DENND3: variants seen among roughly 807,000 people sequenced by gnomAD.
DENND3 encodes DENN domain-containing protein 3.
A neutral mutation model predicts 135.1 loss-of-function variants in DENND3; 88 were observed. The observed-to-expected ratio is 0.65, with a 90% confidence interval of 0.55 to 0.78. The LOEUF (loss-of-function observed/expected upper bound fraction) is 0.78, where lower values mean the gene tolerates loss of function less well. Among genes scored for constraint, DENND3 ranks in the 30% least tolerant of loss-of-function variants. The pLI, the probability that DENND3 is intolerant of heterozygous loss-of-function variation, is 0.00. For synonymous variants in DENND3, 693 were observed against 712.3 expected, an observed-to-expected ratio of 0.97 and a Z score of 0.43; for missense variants, 1,392 against 1,688.4, an observed-to-expected ratio of 0.82 and a Z score of 3.08.
chr8:141,192,319 T>C lies in DENND3; in HGVS notation c.3380-12T>C. On this transcript the variant is annotated splice_polypyrimidine_tract_variant and intron_variant, in intron 20 of 22. Coordinates refer to ENST00000519811, the MANE Select transcript of DENND3 (RefSeq NM_001352890.3). ...CACTGCCTGGCCCCATCCTAGCTCC[T>C]TCCTTCCACAGGCACAGGTAACAGC... The C allele has an allele frequency of 6.2e-7, 1 of 1,613,876 alleles. No individual in the cohort carries two copies. Among genetic ancestry groups the C allele is most frequent in the South Asian group, 1.1e-5 (1 of 91,084 alleles).
rs889477185 is a variant in DENND3 at position 141,168,003 on chromosome 8, G to T, written c.1754-1G>T. The T allele has an allele frequency of 2.9e-5, 46 of 1,605,966 alleles. 1 individual carries two copies. The highest frequency in any genetic ancestry group is 3.8e-5 in the Non-Finnish European group (45 of 1,174,672). ...TCTCCTTTTCCCCCTGAATGTTTTA[G>T]TTCTGAATGTCACGCCGAAGTCCCC... On this transcript the variant is annotated splice_acceptor_variant, in intron 12 of 22. Transcript: ENST00000519811. LOFTEE classifies it high-confidence loss of function. This position sits in a 1 kb window ranked among gnomAD's most constrained non-coding sequence, Gnocchi z 6.2.
At chr8:141,191,157 C>T (rs1478539055) in intron 20 of DENND3, 4 of 152,372 alleles carry the variant, frequency 2.6e-5, no homozygotes, top group Non-Finnish European at 5.9e-5. Flanking sequence ...GCAGCGTTTC[C>T]GTCACAGCTG....
Position 141,168,066 on chromosome 8 carries a change from G to A in DENND3, c.1816G>A (p.Glu606Lys). 1 of 1,614,084 alleles carries A rather than the reference G, an allele frequency of 6.2e-7. No homozygotes were observed. The highest frequency in any genetic ancestry group is 8.5e-7 in the Non-Finnish European group (1 of 1,180,000). The change falls in exon 13 of 23, where the codon GAG (glutamate) becomes AAG (lysine). Residue 606 changes from glutamate (E) to lysine (K), a missense_variant. Physicochemically the swap from Glu to Lys is moderately conservative, Grantham distance 56. Coordinates refer to ENST00000519811, the MANE Select transcript of DENND3 (RefSeq NM_001352890.3). The surrounding 1 kb of genome is among the most constrained non-coding windows in gnomAD (Gnocchi z 6.2). ...FKIPEIHFPL[E>K]SKCVQAYHAH... ...GATTCCCGAAATCCACTTTCCGCTG[G>A]AGAGCAAGTGCGTGCAGGCATACCA...
At chr8:141,158,502 G>A (rs755618574) in intron 8 of DENND3, among the ~76,000 whole-genome samples, 18 of 152,186 alleles carry the variant, frequency 1.2e-4, no homozygotes, top group African/African-American at 4.1e-4. Context: ...GCAGGATGTC[G>A]TGTCTCCCAC....
intron 10 of DENND3, among the ~76,000 whole-genome samples, chr8:141,163,706 G>A (rs1820419661): frequency 2.0e-5 from 3 of 151,742 alleles, no homozygotes; most frequent in South Asian, 2.1e-4. Context: ...TCAGGAGTTC[G>A]AGACCAGCCT....
intron 8 of DENND3, among the ~76,000 whole-genome samples, chr8:141,159,359 T>C (rs1819845085): frequency 6.6e-6 from 1 of 152,044 alleles, no homozygotes; most frequent in Non-Finnish European, 1.5e-5. Context: ...TGGCCCACAC[T>C]CCCACTCCCC....
At chr8:141,164,248 T>G (rs1195167750) in intron 10 of DENND3, among the ~76,000 whole-genome samples, 2 of 152,252 alleles carry the variant, frequency 1.3e-5, no homozygotes, top group African/African-American at 4.8e-5. Flanking sequence ...GTCCCGTGGT[T>G]GGGACAGAGT....
At chr8:141,186,911 C>T (rs1823963750) in intron 18 of DENND3, among the ~76,000 whole-genome samples, 1 of 152,208 alleles carries the variant, frequency 6.6e-6, no homozygotes, top group Non-Finnish European at 1.5e-5. Flanking sequence ...GTGCGCTTCC[C>T]TGTCGCCCGA....
rs2154612739 is a variant in DENND3 at position 141,139,064 on chromosome 8, A to C, written c.501+927A>C. On this transcript the variant is annotated intron_variant, in intron 3 of 22. Transcript: ENST00000519811. The surrounding 1 kb of genome is among the most constrained non-coding windows in gnomAD (Gnocchi z 4.2). Reference sequence around the variant, plus strand: ...AACTCGTAGGGGAAACGATGTATCCAAAGGTGCAGGGTGACCTGCTGCACA... The same window carrying C: ...AACTCGTAGGGGAAACGATGTATCCCAAGGTGCAGGGTGACCTGCTGCACA... 6.6e-6 allele frequency among the ~76,000 whole-genome samples: 1 copy of C among 152,288 alleles called. No homozygotes were observed. The highest frequency in any genetic ancestry group is 1.9e-4 in the East Asian group (1 of 5,172).
In DENND3 at chr8:141,189,030, G is replaced by A. The variant is rs557795249; in HGVS notation, c.3129G>A (p.Ser1043=). ...ACCAGAACCAGGTGTGGGTTGGCTCGGAAGACTCCGTCATCTACATCATCA... is the reference window on the plus strand; with the variant it reads ...ACCAGAACCAGGTGTGGGTTGGCTCAGAAGACTCCGTCATCTACATCATCA... ...MADQNQVWVG[S]EDSVIYIINV... is the part of the protein sequence containing the mutation. The change falls in exon 19 of 23, where the codon TCG becomes TCA. Residue 1043 remains serine, a synonymous_variant. Transcript: ENST00000519811. 2.1e-5 allele frequency: 34 copies of A among 1,614,158 alleles called. No individual in the cohort carries two copies. The highest frequency in any genetic ancestry group is 4.5e-5 in the East Asian group (2 of 44,888).
chr8:141,157,040 C>A (rs531601192), intron 8 of DENND3, among the ~76,000 whole-genome samples: 1 of 152,216 alleles, frequency 6.6e-6, no homozygotes, highest in Non-Finnish European at 1.5e-5. Flanking sequence ...CCTCAGCCTC[C>A]CAAAGTGCTA....
chr8:141,189,717 C>T (rs549854725), intron 19 of DENND3, among the ~76,000 whole-genome samples: 22 of 152,272 alleles, frequency 1.4e-4, no homozygotes, highest in African/African-American at 4.6e-4. Flanking sequence ...GACTTAGTGT[C>T]GGGGGCGCCT....
chr8:141,164,131 G>A (rs1269432120), intron 10 of DENND3, among the ~76,000 whole-genome samples: 2 of 152,048 alleles, frequency 1.3e-5, no homozygotes, highest in Non-Finnish European at 2.9e-5. Context: ...CTTGCGCTGT[G>A]CAGTCCTGCG....
Position 141,160,737 on chromosome 8 carries a change from C to G in DENND3, c.1302C>G (p.Leu434=), listed in dbSNP as rs370867922. 111 of 1,613,118 alleles carry G rather than the reference C, an allele frequency of 6.9e-5. No homozygotes were observed. Among genetic ancestry groups the G allele is most frequent in the Non-Finnish European group, 9.2e-5 (109 of 1,179,882 alleles). The change falls in exon 9 of 23, where the codon CTC becomes CTG. Residue 434 remains leucine (L), a synonymous_variant. Coordinates refer to ENST00000519811, the MANE Select transcript of DENND3 (RefSeq NM_001352890.3). ...ACCGGCGGTCCTGGCAGCAGAAACT[C>G]AACTGCCAGATACAGCAGACCACCC... The part of the protein sequence containing the change: ...RAHRRSWQQK[L]NCQIQQTTLQ...
intron 4 of DENND3, chr8:141,143,944 C>T (rs1298551016): frequency 1.2e-5 from 6 of 505,594 alleles, no homozygotes; most frequent in East Asian, 7.0e-5. Context: ...AATATACCTC[C>T]CTTTGTGCCA....
chr8:141,161,798 C>CTT lies in DENND3; in HGVS notation c.1352+1030_1352+1031dup, dbSNP rs766568248. On this transcript the variant is annotated intron_variant, in intron 9 of 22. Transcript: ENST00000519811. ...ATTTCAAAATGGAAATTTGAGTGGC[C>CTT]TTTTTTTTTTTTTTTTTTTTGAGAT... 3.2e-3 allele frequency among the ~76,000 whole-genome samples: 410 copies of CTT among 129,330 alleles called. 5 individuals carry two copies. The highest frequency in any genetic ancestry group is 0.01 in the African/African-American group (352 of 34,266). The allele number at this position is 129,330 out of a possible 152,430, so 84.8% of individuals were successfully genotyped here.
At chr8:141,172,106 C>A (rs1464865749) in intron 13 of DENND3, among the ~76,000 whole-genome samples, 2 of 144,478 alleles carry the variant, frequency 1.4e-5, no homozygotes, top group East Asian at 4.2e-4. Flanking sequence ...GGTGGGTGTG[C>A]ACGGTGGTGG....
rs1455777976 is a variant in DENND3 at position 141,174,952 on chromosome 8, C to T, written c.2276-248C>T. Among the ~76,000 whole-genome samples the T allele has an allele frequency of 3.9e-5, 6 of 152,164 alleles. No individual in the cohort carries two copies. The highest frequency in any genetic ancestry group is 8.8e-5 in the Non-Finnish European group (6 of 68,022). ...AGCAGGTCCCGTGGCCATCCCAGAGCGGGCGGCTGGAAAGGGCTGCGGGCT... is the reference window on the plus strand; with the variant it reads ...AGCAGGTCCCGTGGCCATCCCAGAGTGGGCGGCTGGAAAGGGCTGCGGGCT... On this transcript the variant is annotated intron_variant, in intron 13 of 22. Transcript: ENST00000519811. The surrounding 1 kb of genome is among the most constrained non-coding windows in gnomAD (Gnocchi z 4.6).
chr8:141,128,674 C>T lies in DENND3; in HGVS notation c.-34C>T, dbSNP rs1815462184. 3.8e-6 allele frequency: 5 copies of T among 1,313,690 alleles called. No homozygotes were observed. Among genetic ancestry groups the T allele is most frequent in the Non-Finnish European group, 4.9e-6 (5 of 1,026,794 alleles). 81.4% of individuals were successfully genotyped at this position (1,313,690 alleles called of 1,614,324 possible). A position where few individuals can be genotyped will look rare whatever the true frequency, so the allele number is the denominator to read the frequency against. On this transcript the variant is annotated 5_prime_UTR_variant, in exon 1 of 23. Transcript: ENST00000519811. The surrounding 1 kb of genome is among the most constrained non-coding windows in gnomAD (Gnocchi z 4.5). ...CGGGCGACTGCGCGGCTGAGGCGCC[C>T]GAGTGCGGTACTGGCGGCGGGCGGC... is the stretch of plus-strand genomic sequence containing the variant.
Sources: gnomAD v4.1 joint callset for allele counts (sites outside exome capture counted in the v4.1 genomes callset) on GRCh38, gnomAD v4.1.1 for gene constraint, Gnocchi (gnomAD v3.1) non-coding constraint, MANE v1.5 for transcripts, NCBI Gene and HGNC (gene_info 2026-07-23, HGNC 2026-07-21) for gene names.